Variants in CFDP1 observed in about 807,000 individuals in gnomAD.
CFDP1 encodes heterochromatin-stabilizing protein CFDP1.
In CFDP1, 31 loss-of-function variants were observed where a neutral mutation model predicts 40.1. The ratio of observed to expected loss-of-function variants is 0.77; its 90% CI spans 0.58 to 1.04. The LOEUF is 1.04. CFDP1 is among the 50% of genes least tolerant of loss of function. The pLI, the probability that CFDP1 is intolerant of heterozygous loss-of-function variation, is 0.00. For missense variants in CFDP1, 423 were observed against 343.4 expected (o/e 1.23, Z -1.83); for synonymous variants, 167 against 120.0 (o/e 1.39, Z -2.56).
chr16:75,364,499 T>C (rs1280910717), intron 5 of CFDP1, among the ~76,000 whole-genome samples: 2 of 152,226 alleles, frequency 1.3e-5, no homozygotes, highest in African/African-American at 2.4e-5. Context: ...CTTCTTCTCT[T>C]GTATTCTGTC....
intron 5 of CFDP1, among the ~76,000 whole-genome samples, chr16:75,387,824 T>C (rs2078912389): frequency 6.6e-6 from 1 of 151,488 alleles, no homozygotes; most frequent in African/African-American, 2.4e-5. Context: ...GGAACTTATT[T>C]TTTAAAATGT....
intron 5 of CFDP1, among the ~76,000 whole-genome samples, chr16:75,357,436 G>T (rs144771308): frequency 2.6e-4 from 40 of 151,880 alleles, no homozygotes; most frequent in African/African-American, 9.0e-4. Flanking sequence ...TGTATTTTTA[G>T]TAGAGACGGG....
At chr16:75,308,239 G>C (rs1202369454) in intron 5 of CFDP1, among the ~76,000 whole-genome samples, 1 of 152,202 alleles carries the variant, frequency 6.6e-6, no homozygotes, top group Non-Finnish European at 1.5e-5. Context: ...GGTAGCTATA[G>C]GAGGTGGAAT....
At position 75,293,814 on chromosome 16, in the gene CFDP1, T is replaced by C. The variant is rs1398318807; in HGVS notation, c.*138A>G. ...TGAAACCATTTGTGATTAAGATACATAGACAGAACTTCAATGTAGAAAAAA... is the reference window on the plus strand; with the variant it reads ...TGAAACCATTTGTGATTAAGATACACAGACAGAACTTCAATGTAGAAAAAA... On this transcript the variant is annotated 3_prime_UTR_variant, in exon 7 of 7. Transcript: ENST00000283882. 7.8e-6 allele frequency: 5 copies of C among 643,414 alleles called. No individual in the cohort carries two copies. The highest frequency in any genetic ancestry group is 4.0e-5 in the South Asian group (2 of 49,566). 39.9% of individuals were successfully genotyped at this position (643,414 alleles called of 1,614,324 possible). A position where few individuals can be genotyped will look rare whatever the true frequency, so the allele number is the denominator to read the frequency against.
intron 1 of CFDP1, among the ~76,000 whole-genome samples, chr16:75,428,723 A>G (rs2079371979): frequency 6.6e-6 from 1 of 151,996 alleles, no homozygotes; most frequent in Admixed American, 6.6e-5. Flanking sequence ...AAGAAAGGAA[A>G]AGGAAAAGGA....
chr16:75,412,444 A>T, intron 3 of CFDP1, 91 bp downstream of exon 3: 1 of 945,740 alleles, frequency 1.1e-6, no homozygotes, highest in East Asian at 2.4e-5. Context: ...ATTGTTATCA[A>T]AAGGCATCTG....
At chr16:75,341,905 A>C (rs2078529999) in intron 5 of CFDP1, among the ~76,000 whole-genome samples, 1 of 152,004 alleles carries the variant, frequency 6.6e-6, no homozygotes, top group Admixed American at 6.6e-5. Context: ...AGGTCTTTCG[A>C]CTCTGTTCTG....
At chr16:75,411,191 T>C (rs1008303555) in intron 4 of CFDP1, among the ~76,000 whole-genome samples, 3 of 151,906 alleles carry the variant, frequency 2.0e-5, no homozygotes, top group Admixed American at 1.3e-4. Flanking sequence ...TACTCCAGCC[T>C]GCACAACGGG....
rs34789992 is a variant in CFDP1, at chr16:75,418,252, CAAAAAAAAAAAA to C, written c.65-3569_65-3558del. 1.3e-3 allele frequency among the ~76,000 whole-genome samples: 72 copies of C among 57,016 alleles called. 1 individual carries two copies. Among genetic ancestry groups the C allele is most frequent in the African/African-American group, 4.6e-3 (69 of 15,142 alleles). 37.4% of individuals were successfully genotyped at this position (57,016 alleles called of 152,430 possible). A position where few individuals can be genotyped will look rare whatever the true frequency, so the allele number is the denominator to read the frequency against. ...GGGCAACAAGAGTGAAACTCTGTCT[CAAAAAAAAAAAA>C]AAAAAAAAAAAGAATTAAGAATATC... On this transcript the variant is annotated intron_variant, in intron 1 of 6. Transcript: ENST00000283882.
chr16:75,412,831 T>C lies in CFDP1; in HGVS notation c.183-77A>G. On this transcript the variant is annotated intron_variant, in intron 2 of 6. Transcript: ENST00000283882. ...GTTATCCCTCTCCCAATCCCAAAGG[T>C]AATCTTATAAACCCAAGAACACTTT... 3 of 1,161,200 alleles carry C rather than the reference T, an allele frequency of 2.6e-6. No homozygotes were observed. In the South Asian group the frequency reaches 3.9e-5, roughly 15 times the overall value. The allele number at this position is 1,161,200 out of a possible 1,614,324, so 71.9% of individuals were successfully genotyped here.
rs541130850 is a variant in CFDP1, at chr16:75,357,713, A to G, written c.650+37377T>C. The stretch of plus-strand genomic sequence containing the variant: ...AAGGGAATGTTGTGTGGTTGGTTTG[A>G]TCTTATTCAGACCATTCAAGCTGTC... On this transcript the variant is annotated intron_variant, in intron 5 of 6. Transcript: ENST00000283882. Among the ~76,000 whole-genome samples the G allele has an allele frequency of 1.1e-3, 166 of 152,282 alleles. 1 individual carries two copies. Among genetic ancestry groups the G allele is most frequent in the African/African-American group, 3.7e-3 (155 of 41,566 alleles).
chr16:75,299,435 A>AAAAG (rs949496291), intron 6 of CFDP1, among the ~76,000 whole-genome samples: 1 of 150,990 alleles, frequency 6.6e-6, no homozygotes, highest in Non-Finnish European at 1.5e-5. Flanking sequence ...AAAAAAAAAA[A>AAAAG]ATACAAAAAA....
chr16:75,334,030 T>G (rs72804160), intron 5 of CFDP1, among the ~76,000 whole-genome samples: 10,231 of 152,144 alleles, frequency 0.067, 370 homozygotes, highest in Middle Eastern at 0.13. Flanking sequence ...GAGACCAATT[T>G]AACTCTGTGA....
chr16:75,309,435 T>A (rs1327368203), intron 5 of CFDP1, among the ~76,000 whole-genome samples: 1 of 151,520 alleles, frequency 6.6e-6, no homozygotes, highest in African/African-American at 2.4e-5. Context: ...AGGGGACAAA[T>A]CAGCACTGGC....
intron 5 of CFDP1, among the ~76,000 whole-genome samples, chr16:75,329,852 G>A (rs1233580530): frequency 6.6e-6 from 1 of 152,220 alleles, no homozygotes; most frequent in Non-Finnish European, 1.5e-5. Flanking sequence ...CCATGCTGAT[G>A]CTAGGGATAC....
At chr16:75,371,232 C>T (rs761731061) in intron 5 of CFDP1, among the ~76,000 whole-genome samples, 3 of 152,214 alleles carry the variant, frequency 2.0e-5, no homozygotes, top group Admixed American at 6.5e-5. Flanking sequence ...GCATCCCCTG[C>T]CTTGCCCAGG....
intron 5 of CFDP1, among the ~76,000 whole-genome samples, chr16:75,368,791 C>T (rs1030166291): frequency 1.3e-5 from 2 of 152,036 alleles, no homozygotes; most frequent in African/African-American, 4.8e-5. Context: ...CGTGCCACTA[C>T]GCCCAGCTAA....
At chr16:75,310,594 C>T (rs2078288563) in intron 5 of CFDP1, among the ~76,000 whole-genome samples, 1 of 152,198 alleles carries the variant, frequency 6.6e-6, no homozygotes, top group Non-Finnish European at 1.5e-5. Context: ...GAGTCTGTCA[C>T]AGAGATATTA....
At position 75,361,244 on chromosome 16, in the gene CFDP1, C is replaced by T. The variant is rs186387339; in HGVS notation, c.650+33846G>A. On this transcript the variant is annotated intron_variant, in intron 5 of 6. Coordinates refer to ENST00000283882, the MANE Select transcript of CFDP1 (RefSeq NM_006324.3). ...CAGGCTGCTCTCGATCTTCTGGCCT[C>T]AAGTGATCCACCCGCCACAGTCTCC... Among the ~76,000 whole-genome samples the T allele has an allele frequency of 1.6e-4, 24 of 152,254 alleles. No homozygotes were observed. In the East Asian group the frequency reaches 4.6e-3, roughly 29 times the overall value.
Sources: allele counts gnomAD v4.1 joint callset (sites outside exome capture counted in the v4.1 genomes callset), GRCh38; gene constraint gnomAD v4.1.1; transcripts MANE v1.5; gene names NCBI Gene and HGNC (gene_info 2026-07-23, HGNC 2026-07-21).